Variants in MACF1 observed in about 807,000 individuals in gnomAD.
The protein encoded by MACF1 is microtubule actin crosslinking factor 1.
MACF1 carries 193 observed loss-of-function variants against 854.8 expected under a neutral mutation model. That is an observed-to-expected ratio of 0.23 (90% CI 0.20 to 0.25). The LOEUF (loss-of-function observed/expected upper bound fraction) is 0.25. Among genes scored for constraint, MACF1 ranks in the 10% least tolerant of loss-of-function variants. MACF1 has a pLI of 1.00. For missense variants in MACF1, 7,722 were observed against 8,929.1 expected (o/e 0.86, Z 5.45); for synonymous variants, 3,185 against 3,226.7 (o/e 0.99, Z 0.44).
intron 97 of MACF1, among the ~76,000 whole-genome samples, chr1:39,472,134 C>T (rs1644790290): frequency 6.6e-6 from 1 of 152,080 alleles, no homozygotes; most frequent in Non-Finnish European, 1.5e-5. Flanking sequence ...ATCTTTTCTC[C>T]AGTGAAAAGA....
intron 72 of MACF1, 146 bp from the exon 73 acceptor site, chr1:39,440,857 G>A: frequency 1.5e-6 from 1 of 658,628 alleles, no homozygotes; most frequent in Non-Finnish European, 2.6e-6. Context: ...TAACCATGTA[G>A]AGTCTGAAGC....
intron 2 of MACF1, among the ~76,000 whole-genome samples, chr1:39,161,895 T>TA (rs35781962): frequency 0.8 from 114,452 of 143,448 alleles, 48,149 homozygotes; most frequent in East Asian, 0.98. Context: ...TAAAATAAAT[T>TA]AAAAAAAAAA....
chr1:39,119,178 G>GT (rs1006628630), intron 2 of MACF1, among the ~76,000 whole-genome samples: 79 of 152,126 alleles, frequency 5.2e-4, no homozygotes, highest in African/African-American at 1.6e-3. Context: ...ATTAGCTGGC[G>GT]TGGTGGCCCA....
chr1:39,368,243 G>C lies in MACF1; in HGVS notation c.12867G>C (p.Leu4289Phe). Residue 4289 changes from leucine (L) to phenylalanine (F), a missense_variant, in exon 50 of 101, where the codon TTG (leucine) becomes TTC (phenylalanine). This residue lies in a region of MACF1 where 2,807 missense variants were observed against 3,235.8 expected (regional missense o/e 0.87). Transcript: ENST00000564288. ...GCTCTTGTGGCTTTGCGCTGGACTT[G>C]TGCCAGCATCAGGACAGGGTACAGA... ...ELSSCGFALDLCQHQDRVQNL... is the reference protein window; with the variant it reads ...ELSSCGFALDFCQHQDRVQNL... 1 of 1,614,092 alleles carries C rather than the reference G, an allele frequency of 6.2e-7. No homozygotes were observed. The highest frequency in any genetic ancestry group is 2.2e-5 in the East Asian group (1 of 44,882).
At chr1:39,314,548 T>TTCTC (rs147825623) in intron 26 of MACF1, among the ~76,000 whole-genome samples, 4 of 126,388 alleles carry the variant, frequency 3.2e-5, no homozygotes, top group African/African-American at 8.8e-5. Flanking sequence ...CAATTTCTCT[T>TTCTC]TCTCTCTCTC....
At chr1:39,153,617 C>T (rs1432666761) in intron 2 of MACF1, among the ~76,000 whole-genome samples, 1 of 152,188 alleles carries the variant, frequency 6.6e-6, no homozygotes, top group African/African-American at 2.4e-5. Flanking sequence ...CTGGGGTGGC[C>T]ACAGGGTGAG....
At chr1:39,294,190 T>C (rs1645853336) in intron 18 of MACF1, among the ~76,000 whole-genome samples, 1 of 152,244 alleles carries the variant, frequency 6.6e-6, no homozygotes, top group Non-Finnish European at 1.5e-5. Flanking sequence ...TTATTAACTT[T>C]TTTGTTTCAA....
At chr1:39,413,253 C>T (rs750469939) in intron 58 of MACF1, 3 of 1,611,106 alleles carry the variant, frequency 1.9e-6, no homozygotes, top group Non-Finnish European at 2.5e-6. Context: ...GAGTGTCCAC[C>T]CCAGAGGAGC....
chr1:39,233,786 T>TG (rs1276416927), intron 2 of MACF1, among the ~76,000 whole-genome samples: 1 of 86,858 alleles, frequency 1.2e-5, no homozygotes. Context: ...TTTTTTTTTT[T>TG]TTTTTTTTTT....
At chr1:39,478,361 C>T (rs1184153998) in intron 97 of MACF1, among the ~76,000 whole-genome samples, 1 of 152,096 alleles carries the variant, frequency 6.6e-6, no homozygotes, top group East Asian at 1.9e-4. Context: ...TGGAAGGAAA[C>T]AGCTTAGCAT....
intron 52 of MACF1, chr1:39,373,237 G>A (rs1649406711): frequency 6.6e-6 from 1 of 150,488 alleles, no homozygotes; most frequent in Non-Finnish European, 1.5e-5. Flanking sequence ...AGCTTGCAGT[G>A]AGCCGAGATC....
chr1:39,292,666 A>G (rs1645816851), intron 16 of MACF1, 100 bp from the exon 17 acceptor site: 3 of 820,424 alleles, frequency 3.7e-6, no homozygotes, highest in East Asian at 2.7e-5. Context: ...CAACCAATCC[A>G]TATCTCTATC....
chr1:39,306,376 C>G (rs868292210), intron 23 of MACF1, among the ~76,000 whole-genome samples: 1 of 152,110 alleles, frequency 6.6e-6, no homozygotes, highest in Non-Finnish European at 1.5e-5. Context: ...GATCCACCCA[C>G]CTCGGCCTCT....
chr1:39,135,429 A>G (rs190937760), intron 2 of MACF1, among the ~76,000 whole-genome samples: 184 of 152,024 alleles, frequency 1.2e-3, no homozygotes, highest in African/African-American at 4.1e-3. Context: ...GTATTTTTTT[A>G]GTAGAGATGG....
intron 58 of MACF1, chr1:39,410,855 T>C: frequency 6.2e-7 from 1 of 1,614,064 alleles, no homozygotes; most frequent in Non-Finnish European, 8.5e-7. Context: ...CTGGAACATG[T>C]GTCCAAATCC....
intron 88 of MACF1, 48 bp from the exon 89 acceptor site, chr1:39,454,861 G>T (rs558243973): frequency 6.7e-7 from 1 of 1,496,148 alleles, no homozygotes; most frequent in Non-Finnish European, 9.1e-7. Flanking sequence ...GGAAACAAAG[G>T]GGGTATGCTT....
intron 1 of MACF1, among the ~76,000 whole-genome samples, chr1:39,224,501 A>C (rs1382128814): frequency 6.6e-6 from 1 of 152,198 alleles, no homozygotes; most frequent in East Asian, 1.9e-4. Flanking sequence ...ATAGAACTCA[A>C]AACTATCCAT....
rs548473011 is a variant in MACF1 at position 39,264,064 on chromosome 1, T to C, written c.528+6036T>C. 1.0e-3 allele frequency among the ~76,000 whole-genome samples: 155 copies of C among 152,236 alleles called. 1 individual carries two copies. The highest frequency in any genetic ancestry group is 3.6e-3 in the African/African-American group (149 of 41,562). On this transcript the variant is annotated intron_variant, in intron 6 of 100. Coordinates refer to ENST00000564288, the MANE Select transcript of MACF1 (RefSeq NM_001394062.1). ...CTGGGATTACAGGCATGAGCCACTG[T>C]GCCCAGCATGATTTGTTCATTTTAA...
chr1:39,405,853 T>G (rs921832315), intron 58 of MACF1, among the ~76,000 whole-genome samples: 10 of 152,124 alleles, frequency 6.6e-5, no homozygotes, highest in Admixed American at 6.5e-4. Context: ...TTTAAAAAGT[T>G]TATACACAGC....
Sources: allele counts gnomAD v4.1 joint callset (sites outside exome capture counted in the v4.1 genomes callset), GRCh38; gene constraint gnomAD v4.1.1; regional missense constraint gnomAD v4.1.1; transcripts MANE v1.5; gene names NCBI Gene and HGNC (gene_info 2026-07-23, HGNC 2026-07-21).